LRP2: variants seen among roughly 807,000 people sequenced by gnomAD.
LRP2 encodes the protein LDL receptor related protein 2.
A neutral mutation model predicts 531.0 loss-of-function variants in LRP2; 172 were observed. The observed-to-expected ratio is 0.32, with a 90% CI of 0.29 to 0.37. The LOEUF (loss-of-function observed/expected upper bound fraction) is 0.37. Among genes scored for constraint, LRP2 ranks in the 10% least tolerant of loss-of-function variants. LRP2 has a pLI of 1.00. For missense variants in LRP2, 5,167 were observed against 5,868.3 expected (o/e 0.88, Z 3.90); for synonymous variants, 1,992 against 2,027.6 (o/e 0.98, Z 0.47).
chr2:169,233,367 T>C, intron 30 of LRP2, 44 bp downstream of exon 30: 1 of 1,609,400 alleles, frequency 6.2e-7, no homozygotes, highest in Non-Finnish European at 8.5e-7. Context: ...GGGTCAGTGT[T>C]TTTCAAGCTA....
chr2:169,220,071 C>T lies in LRP2; in HGVS notation c.5648+383G>A, dbSNP rs554478431. On this transcript the variant is annotated intron_variant, in intron 34 of 78. Coordinates refer to ENST00000649046, the MANE Select transcript of LRP2 (RefSeq NM_004525.3). ...CACTGCCTGGTTGCAACCCATTCTC[C>T]ACCTACTAGAAGGCTTCTCATCCTG... is the stretch of plus-strand genomic sequence containing the variant. 2.0e-5 allele frequency among the ~76,000 whole-genome samples: 3 copies of T among 152,262 alleles called. No homozygotes were observed. In the East Asian group the frequency reaches 5.8e-4, roughly 29 times the overall value.
At chr2:169,295,805 C>T (rs1048031732) in intron 4 of LRP2, among the ~76,000 whole-genome samples, 1 of 144,822 alleles carries the variant, frequency 6.9e-6, no homozygotes, top group Non-Finnish European at 1.5e-5. Context: ...GAAGTTCTGC[C>T]TTTTATGGCC....
chr2:169,270,887 A>T lies in LRP2; in HGVS notation c.2320+17T>A, dbSNP rs1475767800. ...AACACGCATACACACACACACACACACACAAACCTTTCTCACCTGTGCCAT... is the reference window on the plus strand; with the variant it reads ...AACACGCATACACACACACACACACTCACAAACCTTTCTCACCTGTGCCAT... On this transcript the variant is annotated intron_variant, in intron 16 of 78. Coordinates refer to ENST00000649046, the MANE Select transcript of LRP2 (RefSeq NM_004525.3). 1 of 1,609,924 alleles carries T rather than the reference A, an allele frequency of 6.2e-7. No individual in the cohort carries two copies. Among genetic ancestry groups the T allele is most frequent in the East Asian group, 2.2e-5 (1 of 44,794 alleles).
chr2:169,340,260 C>G (rs561788221), intron 1 of LRP2, among the ~76,000 whole-genome samples: 109 of 152,214 alleles, frequency 7.2e-4, no homozygotes, highest in African/African-American at 2.6e-3. Flanking sequence ...AAATAAGGTT[C>G]AAATTTTCTA....
In LRP2 at chr2:169,289,030, A is replaced by C; in HGVS notation, c.1038T>G (p.Cys346Trp). 6.2e-7 allele frequency: 1 copy of C among 1,613,988 alleles called. No individual in the cohort carries two copies. Among genetic ancestry groups the C allele is most frequent in the Non-Finnish European group, 8.5e-7 (1 of 1,179,910 alleles). Residue 346 changes from cysteine to tryptophan, a missense_variant, in exon 9 of 79, where the codon TGT (cysteine) becomes TGG (tryptophan). By Grantham distance (215) the Cys-to-Trp change is radical. Coordinates refer to ENST00000649046, the MANE Select transcript of LRP2 (RefSeq NM_004525.3). ...YIINHNDSRT[C>W]VEFDDCQIWG... The stretch of plus-strand genomic sequence containing the variant: ...CCGCCGCCCCCCATCACTTACCAAC[A>C]CAGGTACGGCTGTCATTGTGGTTGA...
At chr2:169,194,425 C>T (rs1229578336) in intron 46 of LRP2, among the ~76,000 whole-genome samples, 1 of 152,132 alleles carries the variant, frequency 6.6e-6, no homozygotes, top group Non-Finnish European at 1.5e-5. Flanking sequence ...TATTCACTGA[C>T]ACAGCCCAAA....
At chr2:169,206,214 C>T (rs765315388) in intron 39 of LRP2, 26 bp from the exon 40 acceptor site, 2 of 1,613,972 alleles carry the variant, frequency 1.2e-6, no homozygotes, top group Non-Finnish European at 1.7e-6. Context: ...CAGACACACA[C>T]ACAAGCACAC....
chr2:169,349,838 A>G (rs1685797923), intron 1 of LRP2, among the ~76,000 whole-genome samples: 1 of 152,140 alleles, frequency 6.6e-6, no homozygotes, highest in South Asian at 2.1e-4. Flanking sequence ...CTTCACACGC[A>G]TTGATCTTAA....
intron 16 of LRP2, among the ~76,000 whole-genome samples, chr2:169,265,224 T>C (rs68108873): frequency 0.07 from 10,678 of 151,706 alleles, 474 homozygotes; most frequent in African/African-American, 0.14. Flanking sequence ...CCTTACCTCA[T>C]GAAGGAAAAT....
At chr2:169,238,730 A>G (rs1038258183) in intron 26 of LRP2, among the ~76,000 whole-genome samples, 6 of 152,110 alleles carry the variant, frequency 3.9e-5, no homozygotes, top group Admixed American at 1.3e-4. Flanking sequence ...TAATTCTCCC[A>G]ACACCCCCTC....
intron 73 of LRP2, 46 bp downstream of exon 73, chr2:169,139,497 A>G: frequency 1.2e-6 from 2 of 1,611,110 alleles, no homozygotes; most frequent in Non-Finnish European, 8.5e-7. Context: ...CATTCAATGT[A>G]GGGGCCATGA....
intron 1 of LRP2, among the ~76,000 whole-genome samples, chr2:169,352,817 CA>C (rs35272876): frequency 0.68 from 101,476 of 149,910 alleles, 36,075 homozygotes; most frequent in Non-Finnish European, 0.8. Context: ...CACATGGTCA[CA>C]GGGGGGGGAA....
intron 1 of LRP2, among the ~76,000 whole-genome samples, chr2:169,321,526 C>T (rs773456614): frequency 1.1e-4 from 17 of 150,422 alleles, no homozygotes; most frequent in Non-Finnish European, 2.5e-4. Flanking sequence ...TTGATAACAT[C>T]GTGAGTAACT....
At chr2:169,134,126 C>T (rs1026843184) in intron 76 of LRP2, among the ~76,000 whole-genome samples, 1 of 152,186 alleles carries the variant, frequency 6.6e-6, no homozygotes, top group African/African-American at 2.4e-5. Flanking sequence ...CGGGACCGTG[C>T]CCTGTAGCCT....
Position 169,238,308 on chromosome 2 carries a change from C to G in LRP2, c.4295-6G>C, listed in dbSNP as rs73971824. On this transcript the variant is annotated splice_region_variant and splice_polypyrimidine_tract_variant and intron_variant, in intron 26 of 78. Transcript: ENST00000649046. ...TAACAGCAGACTCTCAGATGCTGTT[C>G]AAGAAAAAAATGCAAAAATGTCAAT... 13 of 1,609,904 alleles carry G rather than the reference C, an allele frequency of 8.1e-6. No homozygotes were observed. The highest frequency in any genetic ancestry group is 1.0e-5 in the Non-Finnish European group (12 of 1,176,560).
chr2:169,213,659 C>T lies in LRP2; in HGVS notation c.6038G>A (p.Arg2013His), dbSNP rs201371915. 18 of 1,610,646 alleles carry T rather than the reference C, an allele frequency of 1.1e-5. No homozygotes were observed. The African/African-American group carries it at 1.2e-4, about 11-fold the overall frequency. ...NLRGLQVYHR[R>H]NAAESSNGCS... ...GTATTTCAGTGACAAATACTTACTGCGTCTGTGATAAACTTGAAGACCCCT... is the reference window on the plus strand; with the variant it reads ...GTATTTCAGTGACAAATACTTACTGTGTCTGTGATAAACTTGAAGACCCCT... The change falls in exon 36 of 79, where the codon CGC becomes CAC. Residue 2013 changes from arginine (R) to histidine (H), a missense_variant and splice_region_variant. This residue lies in a region of LRP2 where 2,811 missense variants were observed against 3,058.0 expected (regional missense o/e 0.92). Transcript: ENST00000649046.
Position 169,139,375 on chromosome 2 carries a change from TAGA to T in LRP2, c.13268-7_13268-5del. 6.2e-7 allele frequency: 1 copy of T among 1,614,096 alleles called. No homozygotes were observed. Among genetic ancestry groups the T allele is most frequent in the East Asian group, 2.2e-5 (1 of 44,874 alleles). On this transcript the variant is annotated splice_region_variant and splice_polypyrimidine_tract_variant and intron_variant, in intron 73 of 78. Coordinates refer to ENST00000649046, the MANE Select transcript of LRP2 (RefSeq NM_004525.3). ...GTCAACAGCACAGCTACTGCGGCTA[TAGA>T]AGAAGATAGCAGAGAGCACATCAAC...
chr2:169,255,005 A>G (rs955221444), intron 19 of LRP2, among the ~76,000 whole-genome samples: 8 of 152,146 alleles, frequency 5.3e-5, no homozygotes, highest in African/African-American at 1.9e-4. Context: ...ACAGCAGGAC[A>G]AGATATGCAA....
intron 67 of LRP2, 100 bp from the exon 68 acceptor site, chr2:169,151,126 C>G (rs2105354234): frequency 8.3e-7 from 1 of 1,201,740 alleles, no homozygotes; most frequent in Non-Finnish European, 1.2e-6. Flanking sequence ...GCTGGTGAGA[C>G]AGCTGCTCAG....
Sources: allele counts gnomAD v4.1 joint callset (sites outside exome capture counted in the v4.1 genomes callset), GRCh38; gene constraint gnomAD v4.1.1; regional missense constraint gnomAD v4.1.1; transcripts MANE v1.5; gene names NCBI Gene and HGNC (gene_info 2026-07-23, HGNC 2026-07-21).